Variants in PCNX2 observed in about 807,000 individuals in gnomAD.
PCNX2 encodes the protein pecanex-like protein 2.
Under a neutral mutation model 223.8 loss-of-function variants are expected in PCNX2, and 168 were observed. That is an observed-to-expected ratio of 0.75 (90% CI 0.66 to 0.85). The LOEUF is 0.85. Among genes scored for constraint, PCNX2 ranks in the 40% least tolerant of loss-of-function variants. The pLI is 0.00. For synonymous variants in PCNX2, 1,006 were observed against 1,052.6 expected, an observed-to-expected ratio of 0.96 and a Z score of 0.86; for missense variants, 2,507 against 2,675.5, an observed-to-expected ratio of 0.94 and a Z score of 1.39.
chr1:233,143,139 G>A (rs1011581626), intron 19 of PCNX2, among the ~76,000 whole-genome samples: 6 of 152,102 alleles, frequency 3.9e-5, no homozygotes, highest in African/African-American at 1.4e-4. Context: ...AATACAACAT[G>A]TCACAAACGT....
intron 25 of PCNX2, among the ~76,000 whole-genome samples, chr1:233,042,735 T>C (rs2102860052): frequency 6.6e-6 from 1 of 152,314 alleles, no homozygotes; most frequent in South Asian, 2.1e-4. Context: ...GCCAAGTCCC[T>C]AGTGATGCTC....
chr1:233,227,226 C>T lies in PCNX2; in HGVS notation c.2504G>A (p.Arg835Gln), dbSNP rs1267662709. The T allele has an allele frequency of 6.2e-6, 10 of 1,610,872 alleles. No individual in the cohort carries two copies. The highest frequency in any genetic ancestry group is 7.6e-6 in the Non-Finnish European group (9 of 1,178,470). ...DRLTLLALLD[R>Q]TEDIKENVLA... The stretch of plus-strand genomic sequence containing the variant: ...TGTGTGTGCATGCTCAGTGGCTTAC[C>T]GATCAAGTAATGCCAGCAAGGTCAG... Residue 835 changes from arginine to glutamine, a missense_variant and splice_region_variant, in exon 10 of 34, where the codon CGA (arginine) becomes CAA (glutamine). Arg to Gln is a conservative substitution (Grantham distance 43). Around this residue, in one of 3 missense-constraint regions of PCNX2, gnomAD observed 1,031 missense variants for 1,021.7 expected, o/e 1.01. Coordinates refer to ENST00000258229, the MANE Select transcript of PCNX2 (RefSeq NM_014801.4).
At chr1:233,184,168 C>A (rs771137160) in intron 15 of PCNX2, among the ~76,000 whole-genome samples, 54 of 152,266 alleles carry the variant, frequency 3.5e-4, no homozygotes, top group Non-Finnish European at 7.1e-4. Flanking sequence ...ATAGGAAGAC[C>A]CTGGAAGAAA....
Position 233,253,014 on chromosome 1 carries a change from T to A in PCNX2, c.1835-226A>T, listed in dbSNP as rs1294439559. Among the ~76,000 whole-genome samples, 3 of 152,220 alleles carry A rather than the reference T, an allele frequency of 2.0e-5. No individual in the cohort carries two copies. In the East Asian group the frequency reaches 5.8e-4, roughly 29 times the overall value. ...GTTTGAGACATGTTATTTAGGTGTC[T>A]ACAAACACCTACTATTTTATATACA... On this transcript the variant is annotated intron_variant, in intron 5 of 33. Transcript: ENST00000258229. This position sits in a 1 kb window ranked among gnomAD's most constrained non-coding sequence, Gnocchi z 4.2.
At chr1:233,322,020 A>ATTAG in the PCNX2 span, among the ~76,000 whole-genome samples, 1 of 152,290 alleles carries the variant, frequency 6.6e-6, no homozygotes, top group Non-Finnish European at 1.5e-5. Flanking sequence ...CGAAGCAGTA[A>ATTAG]TTAGTTAAAG....
chr1:233,219,559 C>G (rs929226500), intron 10 of PCNX2, among the ~76,000 whole-genome samples: 1 of 152,112 alleles, frequency 6.6e-6, no homozygotes, highest in Admixed American at 6.5e-5. Flanking sequence ...CCCCACTAAG[C>G]TGATATTGTT....
chr1:233,036,143 C>T lies in PCNX2; in HGVS notation c.4352-10744G>A, dbSNP rs571748498. 1.4e-3 allele frequency among the ~76,000 whole-genome samples: 214 copies of T among 152,312 alleles called. 1 individual carries two copies. The highest frequency in any genetic ancestry group is 5.0e-3 in the African/African-American group (206 of 41,578). On this transcript the variant is annotated intron_variant, in intron 25 of 33. Transcript: ENST00000258229. Reference sequence around the variant, plus strand: ...CTCCCTGCCCCACAAACTTCTCCTGCAGCTTCCACGTCATGGCGGGGAACT... The same window carrying T: ...CTCCCTGCCCCACAAACTTCTCCTGTAGCTTCCACGTCATGGCGGGGAACT...
Position 233,170,110 on chromosome 1 carries a change from G to T in PCNX2, c.3273+7692C>A, listed in dbSNP as rs369369681. ...CACTTTCATGAAAAGGTGCTATTATGAACAATTTTATATGTGTATTTTGGT... is the reference window on the plus strand; with the variant it reads ...CACTTTCATGAAAAGGTGCTATTATTAACAATTTTATATGTGTATTTTGGT... On this transcript the variant is annotated intron_variant, in intron 17 of 33. Transcript: ENST00000258229. Among the ~76,000 whole-genome samples, 9 of 152,306 alleles carry T rather than the reference G, an allele frequency of 5.9e-5. No homozygotes were observed. In the East Asian group the frequency reaches 9.6e-4, roughly 16 times the overall value.
In PCNX2 at chr1:233,248,159, C is replaced by G. The variant is rs115378045; in HGVS notation, c.2222+2580G>C. On this transcript the variant is annotated intron_variant, in intron 8 of 33. Transcript: ENST00000258229. Reference sequence around the variant, plus strand: ...GAACATTTTTCTCTTTACAGGAGCTCAGTAATTAATTCAGTTGCCTTTTCA... The same window carrying G: ...GAACATTTTTCTCTTTACAGGAGCTGAGTAATTAATTCAGTTGCCTTTTCA... 7.9e-3 allele frequency among the ~76,000 whole-genome samples: 1,201 copies of G among 152,238 alleles called. 17 individuals are homozygous for G. Among genetic ancestry groups the G allele is most frequent in the African/African-American group, 0.027 (1,142 of 41,542 alleles).
intron 28 of PCNX2, among the ~76,000 whole-genome samples, chr1:233,009,166 C>A (rs1467113030): frequency 6.6e-6 from 1 of 152,206 alleles, no homozygotes; most frequent in Non-Finnish European, 1.5e-5. Context: ...CATCATCTCT[C>A]ATGCCTTCAG....
chr1:233,027,751 C>G (rs1325719103), intron 25 of PCNX2, among the ~76,000 whole-genome samples: 1 of 152,140 alleles, frequency 6.6e-6, no homozygotes, highest in Non-Finnish European at 1.5e-5. Flanking sequence ...GCTTCTCTTT[C>G]TCTTCCCCTT....
intron 15 of PCNX2, among the ~76,000 whole-genome samples, chr1:233,192,283 G>A (rs545845393): frequency 3.9e-5 from 6 of 152,364 alleles, no homozygotes; most frequent in African/African-American, 1.4e-4. Context: ...TGCGGTAGCT[G>A]TGAGTTACTA....
chr1:233,215,914 G>A (rs1290846211), intron 12 of PCNX2, among the ~76,000 whole-genome samples: 2 of 152,186 alleles, frequency 1.3e-5, no homozygotes, highest in Admixed American at 1.3e-4. Context: ...AACCAATTAT[G>A]GGGAACAGAG....
Position 233,199,824 on chromosome 1 carries a change from A to G in PCNX2, c.2974+330T>C, listed in dbSNP as rs564369459. Among the ~76,000 whole-genome samples the G allele has an allele frequency of 6.6e-5, 10 of 151,914 alleles. No homozygotes were observed. In the East Asian group the frequency reaches 1.9e-3, roughly 29 times the overall value. ...CACACACACACACACACACACACTT[A>G]TATCCACTCACACATGCTCACACAC... is the stretch of plus-strand genomic sequence containing the variant. On this transcript the variant is annotated intron_variant, in intron 14 of 33. Transcript: ENST00000258229.
At chr1:233,255,412 G>A (rs74441523) in intron 5 of PCNX2, among the ~76,000 whole-genome samples, 2,492 of 152,198 alleles carry the variant, frequency 0.016, 74 homozygotes, top group African/African-American at 0.057. Flanking sequence ...CATTCAAGTT[G>A]CCTTTAAGTC....
intron 12 of PCNX2, among the ~76,000 whole-genome samples, chr1:233,209,293 A>G (rs1031719975): frequency 2.0e-5 from 3 of 152,224 alleles, no homozygotes; most frequent in African/African-American, 7.2e-5. Context: ...CCAAATATTT[A>G]GCAGACCTGA....
At chr1:233,303,471 CA>C in the PCNX2 span, among the ~76,000 whole-genome samples, 1 of 152,174 alleles carries the variant, frequency 6.6e-6, no homozygotes, top group Non-Finnish European at 1.5e-5. Flanking sequence ...GCCATGTTCA[CA>C]CCACTGTACT....
chr1:233,147,986 C>CAA (rs921513479), intron 19 of PCNX2, among the ~76,000 whole-genome samples: 1 of 152,040 alleles, frequency 6.6e-6, no homozygotes, highest in African/African-American at 2.4e-5. Context: ...AGGAGAGTCA[C>CAA]AAAAAAATAC....
At chr1:233,168,862 C>T (rs1284993908) in intron 17 of PCNX2, among the ~76,000 whole-genome samples, 4 of 152,006 alleles carry the variant, frequency 2.6e-5, no homozygotes, top group African/African-American at 9.7e-5. Context: ...GGCACCATCA[C>T]TAATTTTTCC....
Sources: allele counts gnomAD v4.1 joint callset (sites outside exome capture counted in the v4.1 genomes callset), GRCh38; gene constraint gnomAD v4.1.1; regional missense constraint gnomAD v4.1.1; non-coding constraint Gnocchi (gnomAD v3.1); transcripts MANE v1.5; gene names NCBI Gene and HGNC (gene_info 2026-07-23, HGNC 2026-07-21).